The following LARGE1 variants were observed in gnomAD, a reference collection of about 807,000 sequenced individuals.
LARGE1 encodes the protein xylosyl- and glucuronyltransferase LARGE1.
LARGE1 carries 43 observed loss-of-function variants against 87.6 expected under a neutral mutation model. That is an observed-to-expected ratio of 0.49 (90% CI 0.38 to 0.63). LARGE1 has a LOEUF of 0.63. Ranked by LOEUF, LARGE1 falls within the 30% of genes least tolerant of loss-of-function variation. The probability of loss-of-function intolerance (pLI) is 0.00; values close to 1 mark genes in which losing one functional copy is unlikely to be tolerated. For synonymous variants in LARGE1, 434 were observed against 394.6 expected (o/e 1.10, Z -1.18); for missense variants, 802 against 1,000.2 (o/e 0.80, Z 2.67).
chr22:33,539,780 A>G (rs1182357979), intron 6 of LARGE1, among the ~76,000 whole-genome samples: 5 of 151,996 alleles, frequency 3.3e-5, no homozygotes, highest in Non-Finnish European at 7.4e-5. Flanking sequence ...AGGTCTTGCT[A>G]TGTTGCCCAG....
At position 33,808,350 on chromosome 22, in the gene LARGE1, TG is replaced by T. The variant is rs1158307403; in HGVS notation, c.-82-46793del. Reference sequence around the variant, plus strand: ...CTTTGATCCACTTTTTAAATTAGGCTGTTCTCTTCTTGTTATGTTCATCCAA... The same window carrying T: ...CTTTGATCCACTTTTTAAATTAGGCTTTCTCTTCTTGTTATGTTCATCCAA... On this transcript the variant is annotated intron_variant, in intron 1 of 14. Transcript: ENST00000397394. Among the ~76,000 whole-genome samples, 5 of 152,380 alleles carry T rather than the reference TG, an allele frequency of 3.3e-5. No individual in the cohort carries two copies. In the East Asian group the frequency reaches 9.6e-4, roughly 29 times the overall value.
At chr22:33,852,561 T>C (rs1415384803) in intron 1 of LARGE1, among the ~76,000 whole-genome samples, 2 of 152,080 alleles carry the variant, frequency 1.3e-5, no homozygotes, top group East Asian at 1.9e-4. Context: ...CTAAGTACGA[T>C]AAAGGCTGGG....
intron 11 of LARGE1, among the ~76,000 whole-genome samples, chr22:33,247,537 A>G (rs1926821953): frequency 6.6e-6 from 1 of 152,254 alleles, no homozygotes; most frequent in Non-Finnish European, 1.5e-5. Context: ...ACATTCAACC[A>G]AAGAATTGAT....
At chr22:33,270,434 G>T (rs1397439281), downstream of LARGE1, among the ~76,000 whole-genome samples, 15 of 152,206 alleles carry the variant, frequency 9.9e-5, no homozygotes, top group Non-Finnish European at 1.5e-4. Context: ...AAAGACAGGG[G>T]TTTTTGAAGC....
At chr22:33,689,693 G>A (rs1428441670) in intron 2 of LARGE1, among the ~76,000 whole-genome samples, 3 of 152,124 alleles carry the variant, frequency 2.0e-5, no homozygotes, top group Admixed American at 6.5e-5. Flanking sequence ...TTGGGAGGCC[G>A]AGGTGGGTGG....
chr22:33,652,616 A>G (rs1357701140), intron 2 of LARGE1, among the ~76,000 whole-genome samples: 2 of 152,170 alleles, frequency 1.3e-5, no homozygotes, highest in Non-Finnish European at 2.9e-5. Context: ...TGCCTGTCAA[A>G]AAAACATTCC....
intron 6 of LARGE1, among the ~76,000 whole-genome samples, chr22:33,443,898 G>A (rs2067588491): frequency 6.6e-6 from 1 of 152,236 alleles, no homozygotes; most frequent in Admixed American, 6.5e-5. Context: ...CCTCTCAGAC[G>A]AGGCCTCCAC....
chr22:33,229,058 C>A (rs1027863571), intron 11 of LARGE1, among the ~76,000 whole-genome samples: 1 of 152,114 alleles, frequency 6.6e-6, no homozygotes, highest in Non-Finnish European at 1.5e-5. Context: ...AAATGCCAAG[C>A]CTGAAGCATG....
chr22:33,188,937 C>T (rs1184225820), intron 11 of LARGE1, among the ~76,000 whole-genome samples: 1 of 152,122 alleles, frequency 6.6e-6, no homozygotes, highest in East Asian at 1.9e-4. Context: ...TGGGCTATGT[C>T]AAGGTGGTCG....
chr22:33,588,842 C>T (rs1211806673), intron 5 of LARGE1, among the ~76,000 whole-genome samples: 1 of 152,176 alleles, frequency 6.6e-6, no homozygotes, highest in Non-Finnish European at 1.5e-5. Flanking sequence ...GAACAGAAAA[C>T]ACACTGATTT....
chr22:33,679,215 T>C (rs138770100), intron 2 of LARGE1, among the ~76,000 whole-genome samples: 3 of 152,334 alleles, frequency 2.0e-5, no homozygotes, highest in African/African-American at 7.2e-5. Context: ...GAACAATGAA[T>C]GTATAAATCA....
At chr22:33,542,099 T>C (rs567149394) in intron 6 of LARGE1, among the ~76,000 whole-genome samples, 4 of 148,052 alleles carry the variant, frequency 2.7e-5, no homozygotes, top group African/African-American at 7.5e-5. Context: ...GAGGTAGAGG[T>C]TGCATTGAGC....
rs192059409 is a variant in LARGE1 at position 33,581,790 on chromosome 22, T to C, written c.616-16771A>G. ...TTGTGCCATTGCACTCCAGTCTGGG[T>C]GACAGAGTGAAACTCCGTCTCAAAA... On this transcript the variant is annotated intron_variant, in intron 5 of 14. Coordinates refer to ENST00000397394, the MANE Select transcript of LARGE1 (RefSeq NM_133642.5). 9.7e-3 allele frequency among the ~76,000 whole-genome samples: 1,320 copies of C among 135,798 alleles called. 20 individuals are homozygous for C. The highest frequency in any genetic ancestry group is 0.035 in the African/African-American group (1,231 of 35,662). 89.1% of individuals were successfully genotyped at this position (135,798 alleles called of 152,430 possible). A position where few individuals can be genotyped will look rare whatever the true frequency, so the allele number is the denominator to read the frequency against.
chr22:33,474,662 G>A (rs2068995993), intron 6 of LARGE1, among the ~76,000 whole-genome samples: 1 of 152,180 alleles, frequency 6.6e-6, no homozygotes, highest in South Asian at 2.1e-4. Context: ...GTCATCCGGA[G>A]CCTCACCTTG....
chr22:33,285,940 G>A (rs1931451629), intron 12 of LARGE1, among the ~76,000 whole-genome samples: 1 of 152,212 alleles, frequency 6.6e-6, no homozygotes, highest in African/African-American at 2.4e-5. Context: ...TCCCAGTAGA[G>A]AGGGGGTGGT....
chr22:33,208,705 A>G (rs1230557055), intron 11 of LARGE1, among the ~76,000 whole-genome samples: 3 of 152,080 alleles, frequency 2.0e-5, no homozygotes, highest in African/African-American at 7.2e-5. Context: ...TATTTCTCCT[A>G]ACGCTATCCC....
the LARGE1 span, among the ~76,000 whole-genome samples, chr22:33,155,747 A>T: frequency 6.6e-6 from 1 of 152,212 alleles, no homozygotes; most frequent in Non-Finnish European, 1.5e-5. Flanking sequence ...TCACCAAGAC[A>T]AAGGAGAAAA....
chr22:33,195,756 CTTT>C (rs71187249), intron 11 of LARGE1, among the ~76,000 whole-genome samples: 13 of 130,742 alleles, frequency 9.9e-5, no homozygotes, highest in African/African-American at 2.9e-4. Flanking sequence ...TTTCTTTTTT[CTTT>C]TTTTTTTTTT....
At chr22:33,600,003 C>T (rs2079073432) in intron 5 of LARGE1, among the ~76,000 whole-genome samples, 1 of 152,138 alleles carries the variant, frequency 6.6e-6, no homozygotes, top group African/African-American at 2.4e-5. Flanking sequence ...ATGTTGCTGC[C>T]TTATCTATGC....
Sources: allele counts gnomAD v4.1 joint callset (sites outside exome capture counted in the v4.1 genomes callset), GRCh38; gene constraint gnomAD v4.1.1; transcripts MANE v1.5; gene names NCBI Gene and HGNC (gene_info 2026-07-23, HGNC 2026-07-21).